Variants in SDF2 observed in about 807,000 individuals in gnomAD.
SDF2 encodes the protein stromal cell derived factor 2.
A neutral mutation model predicts 20.5 loss-of-function variants in SDF2; 12 were observed. That is an observed-to-expected ratio of 0.58 (90% CI 0.37 to 0.95). SDF2 has a LOEUF of 0.95. Among genes scored for constraint, SDF2 ranks in the 40% least tolerant of loss-of-function variants. The pLI is 0.01. For missense variants in SDF2, 238 were observed against 263.1 expected (o/e 0.90, Z 0.66); for synonymous variants, 100 against 101.0 (o/e 0.99, Z 0.06).
chr17:28,661,083 TAAA>T (rs11385140), intron 1 of SDF2: 3,876 of 308,720 alleles, frequency 0.013, no homozygotes, highest in South Asian at 0.015. Flanking sequence ...TTTCAAACGC[TAAA>T]AAAAAAAAAA....
intron 1 of SDF2, among the ~76,000 whole-genome samples, chr17:28,659,622 C>CGAG (rs1452345039): frequency 6.7e-6 from 1 of 149,086 alleles, no homozygotes; most frequent in Non-Finnish European, 1.5e-5. Context: ...CAGGCAGAGG[C>CGAG]GCTCCTCACT....
intron 1 of SDF2, among the ~76,000 whole-genome samples, chr17:28,658,582 A>G (rs951123124): frequency 2.6e-5 from 4 of 152,250 alleles, no homozygotes; most frequent in Non-Finnish European, 5.9e-5. Flanking sequence ...GGGTAAGGTT[A>G]TAGATTAACA....
chr17:28,661,965 G>A (rs1229710567), upstream of SDF2: 3 of 1,445,090 alleles, frequency 2.1e-6, no homozygotes, highest in East Asian at 2.3e-5. Context: ...CGGAGAGAAG[G>A]AAGTGAAGAA....
Position 28,655,315 on chromosome 17 carries a change from T to G in SDF2, c.320A>C (p.His107Pro), listed in dbSNP as rs770279086. ...GTTTCCAGAAAGAGGTGAAGTGAAG[T>G]GGTGACTATGGAGGTTTCGGCCAGT... ...VNTGRNLHSH[H>P]FTSPLSGNQE... Residue 107 changes from histidine to proline, a missense_variant, in exon 2 of 3, where the codon CAC (histidine) becomes CCC (proline). His to Pro is a moderately conservative substitution (Grantham distance 77). Transcript: ENST00000247020. 1.4e-5 allele frequency: 23 copies of G among 1,614,074 alleles called. No individual in the cohort carries two copies. The highest frequency in any genetic ancestry group is 1.8e-5 in the Non-Finnish European group (21 of 1,180,046).
At position 28,655,508 on chromosome 17, in the gene SDF2, C is replaced by T. The variant is rs112057488; in HGVS notation, c.152-25G>A. ...CCTGCAGTTAAGAAAAGAAAGGCAA[C>T]TCTCTTTCTCTGCCATGGACAACAT... On this transcript the variant is annotated intron_variant, in intron 1 of 2. Transcript: ENST00000247020. 4.6e-5 allele frequency: 71 copies of T among 1,551,746 alleles called. No homozygotes were observed. In the Middle Eastern group the frequency reaches 2.2e-3, roughly 49 times the overall value.
intron 2 of SDF2, 143 bp from the exon 3 acceptor site, chr17:28,649,419 G>A (rs1247616611): frequency 7.9e-6 from 6 of 759,074 alleles, no homozygotes; most frequent in Non-Finnish European, 8.5e-6. Flanking sequence ...ACCACTTTGG[G>A]AAGCTGAGCA....
chr17:28,655,415 C>G lies in SDF2; in HGVS notation c.220G>C (p.Gly74Arg). The G allele has an allele frequency of 1.2e-6, 2 of 1,614,214 alleles. No individual in the cohort carries two copies. The highest frequency in any genetic ancestry group is 1.7e-6 in the Non-Finnish European group (2 of 1,180,020). ...CTCTCACACACTGTGGCACTCTTCC[C>G]CCGTATCCTCCAGTAACTGTTGCTG... ...DDSNSYWRIR[G>R]KSATVCERGT... Residue 74 changes from glycine (G) to arginine (R), a missense_variant, in exon 2 of 3, where the codon GGG (glycine) becomes CGG (arginine). Physicochemically the swap from Gly to Arg is moderately radical, Grantham distance 125 (BLOSUM62 -2). Coordinates refer to ENST00000247020, the MANE Select transcript of SDF2 (RefSeq NM_006923.4).
intron 1 of SDF2, among the ~76,000 whole-genome samples, chr17:28,657,372 T>C (rs1005818914): frequency 1.1e-4 from 17 of 151,556 alleles, no homozygotes; most frequent in Non-Finnish European, 2.1e-4. Flanking sequence ...CATAGCAAAA[T>C]GCAGTCTCTA....
chr17:28,654,724 G>A (rs2071942623), intron 2 of SDF2, among the ~76,000 whole-genome samples: 1 of 151,936 alleles, frequency 6.6e-6, no homozygotes, highest in Non-Finnish European at 1.5e-5. Context: ...GGCCGAAGTG[G>A]GCAGATCACA....
chr17:28,658,643 C>T (rs2071989587), intron 1 of SDF2, among the ~76,000 whole-genome samples: 1 of 152,086 alleles, frequency 6.6e-6, no homozygotes, highest in African/African-American at 2.4e-5. Context: ...ATGGAGTCTC[C>T]TATGTCTACT....
intron 1 of SDF2, among the ~76,000 whole-genome samples, chr17:28,659,017 G>A (rs1382307014): frequency 6.7e-6 from 1 of 148,224 alleles, no homozygotes; most frequent in Non-Finnish European, 1.5e-5. Context: ...CTCCCAGACG[G>A]GGCGGCCGTG....
chr17:28,651,333 G>A (rs759859223), intron 2 of SDF2, among the ~76,000 whole-genome samples: 1 of 152,150 alleles, frequency 6.6e-6, no homozygotes, highest in Non-Finnish European at 1.5e-5. Context: ...TAAAGTGCTG[G>A]GAGTACAGGC....
intron 1 of SDF2, among the ~76,000 whole-genome samples, chr17:28,658,549 C>T (rs577463641): frequency 1.1e-4 from 16 of 152,280 alleles, no homozygotes; most frequent in East Asian, 1.9e-4. Flanking sequence ...ACACAGCACA[C>T]GTTTCAGAGA....
chr17:28,653,490 G>A (rs2071930987), intron 2 of SDF2, among the ~76,000 whole-genome samples: 1 of 152,198 alleles, frequency 6.6e-6, no homozygotes, highest in Non-Finnish European at 1.5e-5. Flanking sequence ...ATGTAATGTG[G>A]TATTTTGGAA....
chr17:28,654,589 G>A (rs1158676118), intron 2 of SDF2, among the ~76,000 whole-genome samples: 2 of 152,040 alleles, frequency 1.3e-5, no homozygotes, highest in African/African-American at 2.4e-5. Flanking sequence ...GCAGAGGCGG[G>A]TGGATCACCT....
rs2071953261 is a variant in SDF2 at position 28,655,432 on chromosome 17, C to G, written c.203G>C (p.Ser68Thr). Residue 68 changes from serine to threonine, a missense_variant, in exon 2 of 3, where the codon AGT (serine) becomes ACT (threonine). By Grantham distance (58) the Ser-to-Thr change is moderately conservative. Coordinates refer to ENST00000247020, the MANE Select transcript of SDF2 (RefSeq NM_006923.4). ...ACTCTTCCCCCGTATCCTCCAGTAACTGTTGCTGTCATCCACAGAGGTTAC... is the reference window on the plus strand; with the variant it reads ...ACTCTTCCCCCGTATCCTCCAGTAAGTGTTGCTGTCATCCACAGAGGTTAC... ...TGVTSVDDSN[S>T]YWRIRGKSAT... 1.2e-6 allele frequency: 2 copies of G among 1,613,954 alleles called. No homozygotes were observed. The highest frequency in any genetic ancestry group is 2.7e-5 in the African/African-American group (2 of 74,946).
rs2071883060 is a variant in SDF2, at chr17:28,648,392, A to G, written c.*597T>C. The G allele has an allele frequency of 6.5e-6, 1 of 153,336 alleles. No individual in the cohort carries two copies. The highest frequency in any genetic ancestry group is 1.5e-5 in the Non-Finnish European group (1 of 68,898). 9.5% of individuals were successfully genotyped at this position (153,336 alleles called of 1,614,324 possible). A position where few individuals can be genotyped will look rare whatever the true frequency, so the allele number is the denominator to read the frequency against. ...TATGCTGTATTCTCTGAGAGTTTTT[A>G]GCTATAATTAGTCAAAGATCTATTA... On this transcript the variant is annotated 3_prime_UTR_variant, in exon 3 of 3. Transcript: ENST00000247020.
upstream of SDF2, chr17:28,661,956 GGA>G: frequency 6.6e-7 from 1 of 1,505,516 alleles, no homozygotes; most frequent in Non-Finnish European, 9.1e-7. Context: ...GCGAAACCAC[GGA>G]GAGAAGGAAG....
chr17:28,649,004 G>T lies in SDF2; in HGVS notation c.621C>A (p.His207Gln), dbSNP rs1468158684. The part of the protein sequence containing the change: ...KPSELLKAEA[H>Q]HAEL ...GCCTCTAGATTCACAGCTCTGCATG[G>T]TGGGCTTCTGCCTTCAACAACTCAC... The change falls in exon 3 of 3, where the codon CAC becomes CAA. Residue 207 changes from histidine (H) to glutamine (Q), a missense_variant. By Grantham distance (24) the His-to-Gln change is conservative. Coordinates refer to ENST00000247020, the MANE Select transcript of SDF2 (RefSeq NM_006923.4). The T allele has an allele frequency of 6.2e-7, 1 of 1,614,086 alleles. No individual in the cohort carries two copies. The highest frequency in any genetic ancestry group is 8.5e-7 in the Non-Finnish European group (1 of 1,180,038).
Sources: allele counts gnomAD v4.1 joint callset (sites outside exome capture counted in the v4.1 genomes callset), GRCh38; gene constraint gnomAD v4.1.1; transcripts MANE v1.5; gene names NCBI Gene and HGNC (gene_info 2026-07-23, HGNC 2026-07-21).